ERCC8: variants seen among roughly 807,000 people sequenced by gnomAD.
The protein encoded by ERCC8 is DNA excision repair protein ERCC-8.
Under a neutral mutation model 54.9 loss-of-function variants are expected in ERCC8, and 52 were observed. The ratio of observed to expected loss-of-function variants is 0.95; its 90% CI spans 0.76 to 1.19. The LOEUF (loss-of-function observed/expected upper bound fraction) is 1.19, where lower values mean the gene tolerates loss of function less well. Among genes scored for constraint, ERCC8 ranks in the 50% most tolerant of loss-of-function variants. The pLI is 0.00. For missense variants in ERCC8, 514 were observed against 466.1 expected (o/e 1.10, Z -0.95); for synonymous variants, 146 against 157.2 (o/e 0.93, Z 0.53).
chr5:60,867,168 G>GA lies in ERCC8; in HGVS notation c.*7446dup, dbSNP rs1010589501. 1.3e-5 allele frequency among the ~76,000 whole-genome samples: 2 copies of GA among 151,770 alleles called. No individual in the cohort carries two copies. Among genetic ancestry groups the GA allele is most frequent in the African/African-American group, 4.8e-5 (2 of 41,306 alleles). The stretch of plus-strand genomic sequence containing the variant: ...CATTTTTAACCAATGAAAAAAGAAG[G>GA]AAAAAAAATATCCAAATGTATATGT... On this transcript the variant is annotated 3_prime_UTR_variant, in exon 12 of 12. Coordinates refer to ENST00000676185, the MANE Select transcript of ERCC8 (RefSeq NM_000082.4).
rs1477165193 is a variant in ERCC8 at position 60,868,327 on chromosome 5, C to T, written c.*6288G>A. ...ACAGAGACACCCATTTCTTTCTAGA[C>T]CTCAGAAGAGCATGAACTCGGAGAG... On this transcript the variant is annotated 3_prime_UTR_variant, in exon 12 of 12. Coordinates refer to ENST00000676185, the MANE Select transcript of ERCC8 (RefSeq NM_000082.4). 6.6e-6 allele frequency among the ~76,000 whole-genome samples: 1 copy of T among 152,168 alleles called. No homozygotes were observed. Among genetic ancestry groups the T allele is most frequent in the Middle Eastern group, 3.2e-3 (1 of 316 alleles).
Position 60,874,715 on chromosome 5 carries a change from A to T in ERCC8, c.1123-32T>A, listed in dbSNP as rs41562418. ...AAAAAAAAGATAAAGAAAAAGGAAG[A>T]TTCTGTTTTTTCTACTTCATAATTT... On this transcript the variant is annotated intron_variant, in intron 11 of 11. Transcript: ENST00000676185. 802 of 1,567,984 alleles carry T rather than the reference A, an allele frequency of 5.1e-4. 1 individual carries two copies. The highest frequency in any genetic ancestry group is 6.6e-4 in the Non-Finnish European group (764 of 1,153,266).
At chr5:60,938,085 ATTTTAT>A (rs371152002) in intron 1 of ERCC8, among the ~76,000 whole-genome samples, 165 of 18,568 alleles carry the variant, frequency 8.9e-3, no homozygotes, top group South Asian at 0.041. Context: ...ATATATATAT[ATTTTAT>A]TTTTTTTTTT....
intron 7 of ERCC8, 126 bp from the exon 8 acceptor site, chr5:60,899,853 G>A (rs1294559818): frequency 1.1e-5 from 8 of 704,722 alleles, no homozygotes; most frequent in Non-Finnish European, 2.0e-5. Flanking sequence ...TCATACATTA[G>A]GGTTGTTGAA....
chr5:60,881,409 C>G (rs1328541532), intron 11 of ERCC8, among the ~76,000 whole-genome samples: 2 of 152,226 alleles, frequency 1.3e-5, no homozygotes, highest in Non-Finnish European at 2.9e-5. Flanking sequence ...ACATTTAAGT[C>G]TGCAGAGGTT....
At chr5:60,898,967 A>G (rs1040427535) in intron 8 of ERCC8, among the ~76,000 whole-genome samples, 2 of 151,316 alleles carry the variant, frequency 1.3e-5, no homozygotes, top group African/African-American at 4.8e-5. Context: ...AACTATATAA[A>G]TTCTAATATA....
chr5:60,932,498 G>A (rs2112537121), intron 1 of ERCC8, among the ~76,000 whole-genome samples: 1 of 152,278 alleles, frequency 6.6e-6, no homozygotes, highest in South Asian at 2.1e-4. Context: ...TCAACATTGA[G>A]TCTCTAATGA....
At chr5:60,940,927 A>G (rs1313243417) in intron 1 of ERCC8, among the ~76,000 whole-genome samples, 1 of 152,234 alleles carries the variant, frequency 6.6e-6, no homozygotes, top group East Asian at 1.9e-4. Flanking sequence ...TTCAACTTGC[A>G]TGGGAAAAGA....
chr5:60,915,169 T>C (rs1412581769), intron 4 of ERCC8: 2 of 152,072 alleles, frequency 1.3e-5, no homozygotes, highest in East Asian at 1.9e-4. Flanking sequence ...CTTTTTTAAG[T>C]GTTTAGAATA....
At position 60,922,843 on chromosome 5, in the gene ERCC8, T is replaced by C. The variant is rs76910838; in HGVS notation, c.174-688A>G. 3.9e-5 allele frequency among the ~76,000 whole-genome samples: 6 copies of C among 152,282 alleles called. No individual in the cohort carries two copies. The East Asian group carries it at 1.2e-3, about 29-fold the overall frequency. ...CAATAGGGAAAACAAGTAGTATGCATAATCACACAAATTATTAGTTATGAT... is the reference window on the plus strand; with the variant it reads ...CAATAGGGAAAACAAGTAGTATGCACAATCACACAAATTATTAGTTATGAT... On this transcript the variant is annotated intron_variant, in intron 2 of 11. Transcript: ENST00000676185.
In ERCC8 at chr5:60,871,583, T is replaced by G; in HGVS notation, c.*3032A>C. On this transcript the variant is annotated 3_prime_UTR_variant, in exon 12 of 12. Transcript: ENST00000676185. Reference sequence around the variant, plus strand: ...GTAAAATTATATGTATCATAAGAGATTCATGAAGAATGACCATGAAAATGT... The same window carrying G: ...GTAAAATTATATGTATCATAAGAGAGTCATGAAGAATGACCATGAAAATGT... 6.6e-6 allele frequency among the ~76,000 whole-genome samples: 1 copy of G among 152,162 alleles called. No homozygotes were observed. Among genetic ancestry groups the G allele is most frequent in the East Asian group, 1.9e-4 (1 of 5,184 alleles).
chr5:60,895,169 CAAAAAA>C (rs5868257), intron 9 of ERCC8, among the ~76,000 whole-genome samples: 1 of 90,808 alleles, frequency 1.1e-5, no homozygotes, highest in Non-Finnish European at 2.2e-5. Flanking sequence ...GACTCTACCT[CAAAAAA>C]AAAAAAAAAA....
rs1306182890 is a variant in ERCC8 at position 60,872,686 on chromosome 5, GA to G, written c.*1928del. 6.6e-6 allele frequency among the ~76,000 whole-genome samples: 1 copy of G among 152,174 alleles called. No individual in the cohort carries two copies. The highest frequency in any genetic ancestry group is 1.9e-4 in the East Asian group (1 of 5,194). ...AAAGGATTTCTTGCATTATTGTGAAGAAAAAGGAATTCTTGCATATTCTTGG... is the reference window on the plus strand; with the variant it reads ...AAAGGATTTCTTGCATTATTGTGAAGAAAAGGAATTCTTGCATATTCTTGG... On this transcript the variant is annotated 3_prime_UTR_variant, in exon 12 of 12. Coordinates refer to ENST00000676185, the MANE Select transcript of ERCC8 (RefSeq NM_000082.4).
At chr5:60,901,528 A>G (rs1468913416) in intron 7 of ERCC8, among the ~76,000 whole-genome samples, 1 of 152,020 alleles carries the variant, frequency 6.6e-6, no homozygotes. Context: ...AAGAGATGAC[A>G]TCAAGTTCTA....
At chr5:60,903,496 G>A (rs1326165030) in intron 6 of ERCC8, 152 bp downstream of exon 6, 1 of 1,293,952 alleles carries the variant, frequency 7.7e-7, no homozygotes. Context: ...TAAGAATAAT[G>A]CACAGAAGGA....
chr5:60,945,026 G>GTGT lies in ERCC8; in HGVS notation c.-19_-18insACA. The GTGT allele has an allele frequency of 6.2e-7, 1 of 1,608,960 alleles. No homozygotes were observed. Among genetic ancestry groups the GTGT allele is most frequent in the Non-Finnish European group, 8.5e-7 (1 of 1,175,314 alleles). On this transcript the variant is annotated 5_prime_UTR_variant, in exon 1 of 12. Transcript: ENST00000676185. ...CCCAGCATATCGTGTCCTCACACCG[G>GTGT]CTGGAGCACTGGACGTCGCCATGAC...
intron 4 of ERCC8, among the ~76,000 whole-genome samples, chr5:60,908,930 T>C (rs1050732103): frequency 6.6e-6 from 1 of 152,082 alleles, no homozygotes; most frequent in Non-Finnish European, 1.5e-5. Context: ...GGGTGCAGGA[T>C]TGTTAACAGA....
At chr5:60,885,727 T>C (rs1424374194) in intron 11 of ERCC8, among the ~76,000 whole-genome samples, 1 of 151,536 alleles carries the variant, frequency 6.6e-6, no homozygotes, top group Non-Finnish European at 1.5e-5. Flanking sequence ...TTATTTGGAT[T>C]AAGGACAAAA....
chr5:60,885,228 G>C (rs990231307), intron 11 of ERCC8, among the ~76,000 whole-genome samples: 5 of 151,830 alleles, frequency 3.3e-5, no homozygotes, highest in Non-Finnish European at 5.9e-5. Flanking sequence ...TGCGTAGGCT[G>C]GTCTTGAACT....
Sources: allele counts gnomAD v4.1 joint callset (sites outside exome capture counted in the v4.1 genomes callset), GRCh38; gene constraint gnomAD v4.1.1; transcripts MANE v1.5; gene names NCBI Gene and HGNC (gene_info 2026-07-23, HGNC 2026-07-21).